GALNT17: variants seen among roughly 807,000 people sequenced by gnomAD.
GALNT17 encodes the protein UDP-GalNAc:polypeptide N-acetylgalactosaminyltransferase-like 3.
A neutral mutation model predicts 63.7 loss-of-function variants in GALNT17; 29 were observed. The observed-to-expected ratio is 0.46, with a 90% CI of 0.34 to 0.62. The LOEUF is 0.62. GALNT17 is among the 20% of genes least tolerant of loss of function. The pLI is 0.01. For synonymous variants in GALNT17, 305 were observed against 318.3 expected, an observed-to-expected ratio of 0.96 and a Z score of 0.45; for missense variants, 603 against 799.6, an observed-to-expected ratio of 0.75 and a Z score of 2.97.
intron 1 of GALNT17, among the ~76,000 whole-genome samples, chr7:71,324,700 A>T (rs1302225903): frequency 2.0e-5 from 3 of 152,140 alleles, no homozygotes; most frequent in East Asian, 3.9e-4. Flanking sequence ...GTAACAATTT[A>T]AAAAATATTA....
At chr7:71,312,832 G>C (rs555569758) in intron 1 of GALNT17, among the ~76,000 whole-genome samples, 1 of 152,152 alleles carries the variant, frequency 6.6e-6, no homozygotes, top group Non-Finnish European at 1.5e-5. Flanking sequence ...ATAACAGCTT[G>C]TAAGTGCTAT....
At chr7:71,537,023 C>T (rs1301933116) in intron 5 of GALNT17, among the ~76,000 whole-genome samples, 1 of 152,094 alleles carries the variant, frequency 6.6e-6, no homozygotes, top group African/African-American at 2.4e-5. Context: ...ACCCATCATC[C>T]TTCTACTGCC....
intron 6 of GALNT17, among the ~76,000 whole-genome samples, chr7:71,595,913 A>G (rs776197932): frequency 1.3e-5 from 2 of 152,180 alleles, no homozygotes; most frequent in South Asian, 2.1e-4. Context: ...GCAGGAATCA[A>G]TGGGAGATGA....
At chr7:71,684,917 G>T (rs1779862597) in intron 9 of GALNT17, among the ~76,000 whole-genome samples, 1 of 152,030 alleles carries the variant, frequency 6.6e-6, no homozygotes, top group African/African-American at 2.4e-5. Context: ...CTCCCACCTT[G>T]GCCTCCCAGA....
At chr7:71,254,579 T>C (rs1041451779) in intron 1 of GALNT17, among the ~76,000 whole-genome samples, 1 of 152,192 alleles carries the variant, frequency 6.6e-6, no homozygotes, top group Non-Finnish European at 1.5e-5. Flanking sequence ...TGGTCACCTG[T>C]GCCTTCCCAA....
At chr7:71,596,907 G>C (rs976505407) in intron 6 of GALNT17, among the ~76,000 whole-genome samples, 2 of 152,016 alleles carry the variant, frequency 1.3e-5, no homozygotes, top group African/African-American at 4.8e-5. Flanking sequence ...TGACAGAGGG[G>C]CCAGGCACAG....
At chr7:71,285,781 C>T (rs1790862756) in intron 1 of GALNT17, among the ~76,000 whole-genome samples, 1 of 152,178 alleles carries the variant, frequency 6.6e-6, no homozygotes. Context: ...TCTTCAACTC[C>T]CCAGCCTCCA....
intron 1 of GALNT17, among the ~76,000 whole-genome samples, chr7:71,160,899 G>GTA (rs1459514141): frequency 4.8e-4 from 73 of 152,290 alleles, no homozygotes; most frequent in African/African-American, 1.6e-3. Flanking sequence ...ATGCAGTGGT[G>GTA]TGATGACTCG....
chr7:71,549,814 A>C (rs191826849), intron 5 of GALNT17, among the ~76,000 whole-genome samples: 2 of 152,086 alleles, frequency 1.3e-5, no homozygotes, highest in East Asian at 3.9e-4. Context: ...TCTTCTGGGA[A>C]TGCAGAAGAG....
At chr7:71,352,103 A>C (rs1334225036) in intron 2 of GALNT17, among the ~76,000 whole-genome samples, 1 of 152,094 alleles carries the variant, frequency 6.6e-6, no homozygotes, top group Non-Finnish European at 1.5e-5. Flanking sequence ...CAGTGGGTGA[A>C]AATTGAATCA....
intron 2 of GALNT17, among the ~76,000 whole-genome samples, chr7:71,385,926 G>A (rs548918654): frequency 6.6e-6 from 1 of 152,310 alleles, no homozygotes; most frequent in Non-Finnish European, 1.5e-5. Flanking sequence ...AATTGGCCAG[G>A]TGTGGCAGCA....
rs185230422 is a variant in GALNT17, at chr7:71,362,016, G to T, written c.423-26219G>T. Among the ~76,000 whole-genome samples the T allele has an allele frequency of 2.4e-3, 368 of 152,148 alleles. 3 individuals carry two copies. Among genetic ancestry groups the T allele is most frequent in the African/African-American group, 8.6e-3 (355 of 41,508 alleles). ...CAGTTGCCCAGGCTGGGGTACAGTG[G>T]TGCAGTCTCAGCTCACTGCAACCTC... On this transcript the variant is annotated intron_variant, in intron 2 of 10. Coordinates refer to ENST00000333538, the MANE Select transcript of GALNT17 (RefSeq NM_022479.3).
intron 1 of GALNT17, among the ~76,000 whole-genome samples, chr7:71,255,221 C>T (rs907741413): frequency 3.9e-5 from 6 of 152,206 alleles, no homozygotes; most frequent in African/African-American, 1.4e-4. Flanking sequence ...GGGAGGGACA[C>T]AATGGGAGGT....
chr7:71,597,935 G>A (rs1789912014), intron 6 of GALNT17, among the ~76,000 whole-genome samples: 1 of 151,692 alleles, frequency 6.6e-6, no homozygotes, highest in Non-Finnish European at 1.5e-5. Flanking sequence ...GTAATAACAC[G>A]GTACTTTCAT....
chr7:71,211,323 A>G (rs28370374), intron 1 of GALNT17, among the ~76,000 whole-genome samples: 56,296 of 152,006 alleles, frequency 0.37, 10,734 homozygotes, highest in South Asian at 0.53. Flanking sequence ...TTGCTTCTTC[A>G]TCGTTTTTCT....
At chr7:71,531,287 C>A (rs1788716789) in intron 5 of GALNT17, among the ~76,000 whole-genome samples, 1 of 152,052 alleles carries the variant, frequency 6.6e-6, no homozygotes, top group African/African-American at 2.4e-5. Context: ...CAAAAGTTTT[C>A]TCCACCCTCT....
intron 1 of GALNT17, among the ~76,000 whole-genome samples, chr7:71,148,274 C>T (rs1375079298): frequency 6.6e-6 from 1 of 152,200 alleles, no homozygotes; most frequent in Non-Finnish European, 1.5e-5. Flanking sequence ...TTCTTTTGGT[C>T]TTTTCCTCAT....
intron 5 of GALNT17, among the ~76,000 whole-genome samples, chr7:71,504,121 G>T (rs190321160): frequency 6.6e-6 from 1 of 151,926 alleles, no homozygotes; most frequent in Non-Finnish European, 1.5e-5. Flanking sequence ...CCAGCTACTC[G>T]GGAGGCTGAG....
rs78108613 is a variant in GALNT17 at position 71,461,915 on chromosome 7, G to C, written c.962+40810G>C. Among the ~76,000 whole-genome samples the C allele has an allele frequency of 3.1e-3, 470 of 152,352 alleles. 1 individual carries two copies. The highest frequency in any genetic ancestry group is 0.011 in the African/African-American group (446 of 41,586). ...TGTGCAACCCTCTGGGGCAGGACAT[G>C]ATGCCTATCTTTAACCTCTGGATCA... On this transcript the variant is annotated intron_variant, in intron 5 of 10. Transcript: ENST00000333538.
Sources: allele counts gnomAD v4.1 joint callset (sites outside exome capture counted in the v4.1 genomes callset), GRCh38; gene constraint gnomAD v4.1.1; transcripts MANE v1.5; gene names NCBI Gene and HGNC (gene_info 2026-07-23, HGNC 2026-07-21).